USP42: variants seen among roughly 807,000 people sequenced by gnomAD.
USP42 encodes ubiquitin carboxyl-terminal hydrolase 42.
A neutral mutation model predicts 113.0 loss-of-function variants in USP42; 23 were observed. The ratio of observed to expected loss-of-function variants is 0.20; its 90% CI spans 0.15 to 0.29. The LOEUF is 0.29. Ranked by LOEUF, USP42 falls within the 10% of genes least tolerant of loss-of-function variation. The pLI, the probability that USP42 is intolerant of heterozygous loss-of-function variation, is 1.00. For synonymous variants in USP42, 933 were observed against 699.0 expected (o/e 1.33, Z -5.28); for missense variants, 2,174 against 1,779.8 (o/e 1.22, Z -3.99).
intron 3 of USP42, among the ~76,000 whole-genome samples, chr7:6,121,196 A>G (rs887943368): frequency 2.0e-5 from 3 of 152,142 alleles, no homozygotes; most frequent in African/African-American, 7.2e-5. Flanking sequence ...AATAGAGGTG[A>G]TAAGAGTAAA....
At chr7:6,118,136 G>A (rs1780016136) in intron 3 of USP42, among the ~76,000 whole-genome samples, 1 of 152,008 alleles carries the variant, frequency 6.6e-6, no homozygotes, top group Non-Finnish European at 1.5e-5. Context: ...GCTCATGCCT[G>A]TAATCCCAGC....
intron 12 of USP42, 43 bp from the exon 13 acceptor site, chr7:6,149,540 A>T (rs769454448): frequency 1.9e-6 from 3 of 1,560,540 alleles, no homozygotes; most frequent in Non-Finnish European, 2.6e-6. Flanking sequence ...TTGTGTGACC[A>T]TGTTTCTGGA....
the USP42 span, among the ~76,000 whole-genome samples, chr7:6,094,024 G>C: frequency 6.6e-6 from 1 of 150,870 alleles, no homozygotes; most frequent in Non-Finnish European, 1.5e-5. Flanking sequence ...TGAGTAGCTG[G>C]TGCGTGCCAC....
chr7:6,155,058 G>T lies in USP42; in HGVS notation c.3504G>T (p.Glu1168Asp). Residue 1168 changes from glutamate to aspartate, a missense_variant, in exon 15 of 18, where the codon GAG (glutamate) becomes GAT (aspartate). Coordinates refer to ENST00000306177, the MANE Select transcript of USP42 (RefSeq NM_032172.3). Reference sequence around the variant, plus strand: ...GGAAACGGAGACACGACAGTGTGGAGAACAGTGACAGTCATGTTGAAAAGA... The same window carrying T: ...GGAAACGGAGACACGACAGTGTGGATAACAGTGACAGTCATGTTGAAAAGA... ...KSRKRRHDSV[E>D]NSDSHVEKKA... 1.3e-6 allele frequency: 2 copies of T among 1,563,436 alleles called. No individual in the cohort carries two copies. The highest frequency in any genetic ancestry group is 1.7e-6 in the Non-Finnish European group (2 of 1,153,908).
chr7:6,150,312 C>T lies in USP42; in HGVS notation c.2106+10C>T, dbSNP rs375648875. On this transcript the variant is annotated intron_variant, in intron 13 of 17. Transcript: ENST00000306177. Reference sequence around the variant, plus strand: ...CGGTCTTCCTGGAAAGGTGAGTGCACGTCAGGGTCTTCAGCCTCGTTTGTG... The same window carrying T: ...CGGTCTTCCTGGAAAGGTGAGTGCATGTCAGGGTCTTCAGCCTCGTTTGTG... 3.2e-5 allele frequency: 52 copies of T among 1,611,828 alleles called. No homozygotes were observed. Among genetic ancestry groups the T allele is most frequent in the East Asian group, 8.9e-5 (4 of 44,860 alleles).
upstream of USP42, among the ~76,000 whole-genome samples, chr7:6,100,998 G>A (rs576341926): frequency 6.6e-6 from 1 of 150,904 alleles, no homozygotes; most frequent in Non-Finnish European, 1.5e-5. Flanking sequence ...AGGATATCTA[G>A]AAGTGAGGCT....
intron 3 of USP42, among the ~76,000 whole-genome samples, chr7:6,130,167 T>C (rs1780774278): frequency 6.6e-6 from 1 of 152,102 alleles, no homozygotes; most frequent in African/African-American, 2.4e-5. Flanking sequence ...ATTTTGGTGT[T>C]ATCTTATAAG....
At chr7:6,146,701 G>A (rs1781736266) in intron 11 of USP42, among the ~76,000 whole-genome samples, 1 of 152,180 alleles carries the variant, frequency 6.6e-6, no homozygotes, top group African/African-American at 2.4e-5. Context: ...CCATGTGCCT[G>A]GAGAGTAAGA....
At position 6,139,230 on chromosome 7, in the gene USP42, G is replaced by T. The variant is rs765622235; in HGVS notation, c.656+36G>T. On this transcript the variant is annotated intron_variant, in intron 5 of 17. Transcript: ENST00000306177. The surrounding 1 kb of genome is among the most constrained non-coding windows in gnomAD (Gnocchi z 4.5). ...CAGAGCGCCAGCCATGTCTTCATTG[G>T]GGATCTCTGGTTGTAGTTTATTCTT... 6.9e-7 allele frequency: 1 copy of T among 1,449,050 alleles called. No individual in the cohort carries two copies. 89.8% of individuals were successfully genotyped at this position (1,449,050 alleles called of 1,614,324 possible).
chr7:6,137,560 G>C (rs1351572215), intron 4 of USP42, among the ~76,000 whole-genome samples: 1 of 152,228 alleles, frequency 6.6e-6, no homozygotes, highest in Non-Finnish European at 1.5e-5. Context: ...GTTTCACCAT[G>C]TTGGCCAGGC....
the USP42 span, among the ~76,000 whole-genome samples, chr7:6,092,273 G>A: frequency 6.8e-6 from 1 of 146,940 alleles, no homozygotes; most frequent in African/African-American, 2.6e-5. Flanking sequence ...CGCCTCCTGG[G>A]TTCAAGTGAT....
At position 6,125,520 on chromosome 7, in the gene USP42, C is replaced by T. The variant is rs193245239; in HGVS notation, c.442+9997C>T. ...CAAAACACAACAATATTCTGCTTCT[C>T]GTGAAGTATAAGAACATTTTGGTAA... is the stretch of plus-strand genomic sequence containing the variant. On this transcript the variant is annotated intron_variant, in intron 3 of 17. Transcript: ENST00000306177. Among the ~76,000 whole-genome samples, 357 of 152,240 alleles carry T rather than the reference C, an allele frequency of 2.3e-3. 2 individuals are homozygous for T. Among genetic ancestry groups the T allele is most frequent in the Admixed American group, 3.9e-3 (59 of 15,280 alleles).
chr7:6,103,587 G>A (rs941219723), upstream of USP42, among the ~76,000 whole-genome samples: 1 of 150,222 alleles, frequency 6.7e-6, no homozygotes, highest in African/African-American at 2.5e-5. Context: ...GTGGCGCACC[G>A]GTGGGGTCAG....
At chr7:6,150,675 T>G (rs1053355471) in intron 14 of USP42, among the ~76,000 whole-genome samples, 169 bp downstream of exon 14, 2 of 151,992 alleles carry the variant, frequency 1.3e-5, no homozygotes, top group Admixed American at 6.6e-5. Flanking sequence ...TTTAGAAGAG[T>G]AAAGAAAAAA....
chr7:6,105,934 G>C (rs73333498), intron 1 of USP42, among the ~76,000 whole-genome samples: 41 of 152,288 alleles, frequency 2.7e-4, no homozygotes, highest in African/African-American at 9.9e-4. Context: ...TCAATACCCT[G>C]ACAGCAAAAC....
In USP42 at chr7:6,114,678, A is replaced by ATATATATATAT. The variant is rs1241045063; in HGVS notation, c.242-644_242-643insATATATATATT. Among the ~76,000 whole-genome samples the ATATATATATAT allele has an allele frequency of 5.3e-4, 10 of 18,880 alleles. 1 individual carries two copies. Among genetic ancestry groups the ATATATATATAT allele is most frequent in the African/African-American group, 2.8e-3 (8 of 2,884 alleles). The allele number at this position is 18,880 out of a possible 152,430, so 12.4% of individuals were successfully genotyped here. Reference sequence around the variant, plus strand: ...TGTGTATATATATATATATATATATATTTTTTTTTTTTTTTTTTTTTTTTT... The same window carrying ATATATATATAT: ...TGTGTATATATATATATATATATATATATATATATATTTTTTTTTTTTTTTTTTTTTTTTTT... On this transcript the variant is annotated intron_variant, in intron 2 of 17. Transcript: ENST00000306177.
At position 6,154,262 on chromosome 7, in the gene USP42, T is replaced by A. The variant is rs1177242776; in HGVS notation, c.2708T>A (p.Val903Glu). 1.2e-6 allele frequency: 2 copies of A among 1,603,656 alleles called. No homozygotes were observed. Among genetic ancestry groups the A allele is most frequent in the Admixed American group, 1.7e-5 (1 of 58,906 alleles). ...PEAAERPPAP[V>E]LDMAPAGHPE... ...GCCGCAGAGCGGCCGCCAGCTCCTG[T>A]GCTGGACATGGCCCCGGCCGGTCAC... is the stretch of plus-strand genomic sequence containing the variant. Residue 903 changes from valine (V) to glutamate (E), a missense_variant, in exon 15 of 18, where the codon GTG becomes GAG. By Grantham distance (121) the Val-to-Glu change is moderately radical. Transcript: ENST00000306177.
chr7:6,145,448 C>T (rs1781664355), intron 9 of USP42, 68 bp from the exon 10 acceptor site: 2 of 1,597,146 alleles, frequency 1.3e-6, no homozygotes, highest in Admixed American at 1.7e-5. Flanking sequence ...CTCTAAGTAC[C>T]CTCTACCTGA....
chr7:6,153,707 C>T, intron 14 of USP42, 49 bp from the exon 15 acceptor site: 1 of 1,420,610 alleles, frequency 7.0e-7, no homozygotes, highest in Non-Finnish European at 9.2e-7. Flanking sequence ...ATGACATGAG[C>T]CTGTCAAGCC....
Sources: allele counts gnomAD v4.1 joint callset (sites outside exome capture counted in the v4.1 genomes callset), GRCh38; gene constraint gnomAD v4.1.1; non-coding constraint Gnocchi (gnomAD v3.1); transcripts MANE v1.5; gene names NCBI Gene and HGNC (gene_info 2026-07-23, HGNC 2026-07-21).